ANKRD30A: variants seen among roughly 807,000 people sequenced by gnomAD.
ANKRD30A encodes ankyrin repeat domain 30A.
Under a neutral mutation model 166.3 loss-of-function variants are expected in ANKRD30A, and 170 were observed. The observed-to-expected ratio is 1.02, with a 90% CI of 0.90 to 1.16. The LOEUF is 1.16. ANKRD30A is among the 50% of genes most tolerant of loss of function. The probability of loss-of-function intolerance (pLI) is 0.00; values close to 1 mark genes in which losing one functional copy is unlikely to be tolerated. For synonymous variants in ANKRD30A, 564 were observed against 508.9 expected, an observed-to-expected ratio of 1.11 and a Z score of -1.46; for missense variants, 1,630 against 1,518.0, an observed-to-expected ratio of 1.07 and a Z score of -1.23.
intron 30 of ANKRD30A, 21 bp downstream of exon 30, chr10:37,199,809 T>C (rs763280548): frequency 1.4e-6 from 2 of 1,437,208 alleles, no homozygotes; most frequent in Non-Finnish European, 1.9e-6. Flanking sequence ...TTATTGATTT[T>C]TTTAAATATT....
At chr10:37,199,392 A>G (rs1296750543) in intron 29 of ANKRD30A, among the ~76,000 whole-genome samples, 5 of 152,114 alleles carry the variant, frequency 3.3e-5, no homozygotes, top group Non-Finnish European at 7.4e-5. Context: ...GAGAGATGGT[A>G]GGTAATTAAA....
At chr10:37,234,775 ACTT>A (rs1843602185), downstream of ANKRD30A, among the ~76,000 whole-genome samples, 1 of 152,166 alleles carries the variant, frequency 6.6e-6, no homozygotes, top group South Asian at 2.1e-4. Context: ...CAGTTTAGCA[ACTT>A]CTTTTCTAAA....
the ANKRD30A span, chr10:37,262,001 A>G: frequency 5.2e-5 from 8 of 152,924 alleles, no homozygotes; most frequent in Non-Finnish European, 1.0e-4. Context: ...CCCTTTATAT[A>G]AGACCTTCCT....
rs1452020985 is a variant in ANKRD30A at position 37,125,980 on chromosome 10, A to G, written c.193A>G (p.Asn65Asp). 2.5e-6 allele frequency: 4 copies of G among 1,612,122 alleles called. No homozygotes were observed. The South Asian group carries it at 4.4e-5, about 18-fold the overall frequency. ...EKMTKRKKTI[N>D]LNIQDAQKRT... ...GATGACAAAGAGGAAGAAGACCATC[A>G]ACCTTAATATACAAGACGCCCAGAA... Residue 65 changes from asparagine (N) to aspartate (D), a missense_variant, in exon 1 of 36, where the codon AAC becomes GAC. Transcript: ENST00000361713.
intron 35 of ANKRD30A, among the ~76,000 whole-genome samples, chr10:37,232,237 G>GTT (rs113897887): frequency 6.8e-6 from 1 of 146,922 alleles, no homozygotes; most frequent in Non-Finnish European, 1.5e-5. Flanking sequence ...TAAAAGTCTT[G>GTT]TTTTTTTTTT....
chr10:37,258,013 C>G, the ANKRD30A span, among the ~76,000 whole-genome samples: 24 of 152,234 alleles, frequency 1.6e-4, no homozygotes, highest in Non-Finnish European at 3.4e-4. Flanking sequence ...ATACCTAATG[C>G]ATGTGGGGCT....
intron 9 of ANKRD30A, among the ~76,000 whole-genome samples, chr10:37,149,263 A>G (rs1451974636): frequency 6.6e-6 from 1 of 152,090 alleles, no homozygotes; most frequent in Non-Finnish European, 1.5e-5. Context: ...TCTCATCATA[A>G]CTATGTACTT....
chr10:37,165,217 G>C lies in ANKRD30A; in HGVS notation c.2064+62G>C, dbSNP rs931213416. The C allele has an allele frequency of 3.6e-5, 53 of 1,464,382 alleles. 2 individuals carry two copies. Among genetic ancestry groups the C allele is most frequent in the Non-Finnish European group, 4.7e-5 (49 of 1,049,598 alleles). The allele number at this position is 1,464,382 out of a possible 1,614,324, so 90.7% of individuals were successfully genotyped here. A position where few individuals can be genotyped will look rare whatever the true frequency, so the allele number is the denominator to read the frequency against. On this transcript the variant is annotated intron_variant, in intron 18 of 35. Transcript: ENST00000361713. ...TGCATGATATGAAAACATAAAATCAGATGCTTAGTCTTTATTTTCTCACCT... is the reference window on the plus strand; with the variant it reads ...TGCATGATATGAAAACATAAAATCACATGCTTAGTCTTTATTTTCTCACCT...
intron 17 of ANKRD30A, among the ~76,000 whole-genome samples, chr10:37,164,699 C>T (rs1839169031): frequency 1.3e-5 from 2 of 151,942 alleles, no homozygotes; most frequent in South Asian, 2.1e-4. Context: ...AGAGAGATTG[C>T]TGAGTCAATC....
chr10:37,227,511 A>G (rs1405174509), intron 34 of ANKRD30A, among the ~76,000 whole-genome samples: 2 of 151,986 alleles, frequency 1.3e-5, no homozygotes, highest in Non-Finnish European at 2.9e-5. Context: ...GCCAGTACCA[A>G]ATCAACTTAT....
At chr10:37,235,936 A>G (rs190693744), downstream of ANKRD30A, among the ~76,000 whole-genome samples, 586 of 151,994 alleles carry the variant, frequency 3.9e-3, 5 homozygotes, top group South Asian at 0.03. Context: ...AGCACAGCTA[A>G]GTTTTTTATT....
chr10:37,208,154 T>G (rs1302289727), intron 31 of ANKRD30A, among the ~76,000 whole-genome samples: 1 of 152,122 alleles, frequency 6.6e-6, no homozygotes, highest in Non-Finnish European at 1.5e-5. Flanking sequence ...ACTCAGGACA[T>G]AGAACTGATG....
chr10:37,258,513 A>G, the ANKRD30A span, among the ~76,000 whole-genome samples: 1 of 152,298 alleles, frequency 6.6e-6, no homozygotes, highest in South Asian at 2.1e-4. Context: ...GTAGTGAGGA[A>G]ACAATAATCT....
rs779648931 is a variant in ANKRD30A, at chr10:37,125,925, C to T, written c.138C>T (p.Ala46=). The change falls in exon 1 of 36, where the codon GCC becomes GCT. Residue 46 remains alanine (A), a synonymous_variant. Transcript: ENST00000361713. ...ATCTTAGAAAGATCCATAAAGCTGC[C>T]TCCCGGGGACAAGTCCGGAAGCTGG... The part of the protein sequence containing the change: ...SGDLRKIHKA[A]SRGQVRKLEK... 1.2e-6 allele frequency: 2 copies of T among 1,611,288 alleles called. No homozygotes were observed. The highest frequency in any genetic ancestry group is 1.7e-6 in the Non-Finnish European group (2 of 1,179,226).
chr10:37,213,685 ATGTGT>A (rs955460192), intron 31 of ANKRD30A, among the ~76,000 whole-genome samples: 9 of 151,278 alleles, frequency 5.9e-5, no homozygotes, highest in Admixed American at 2.6e-4. Context: ...ACAATATCTA[ATGTGT>A]TGTGTTTTCA....
chr10:37,204,086 G>A (rs570533700), intron 31 of ANKRD30A, among the ~76,000 whole-genome samples: 77 of 152,246 alleles, frequency 5.1e-4, no homozygotes, highest in African/African-American at 1.8e-3. Context: ...TGGATTCAAT[G>A]CCATCCCCAT....
At chr10:37,151,829 A>G (rs17605876) in intron 11 of ANKRD30A, among the ~76,000 whole-genome samples, 63 of 152,246 alleles carry the variant, frequency 4.1e-4, no homozygotes, top group African/African-American at 1.4e-3. Context: ...ATACAAGTTA[A>G]TCAAATTTCT....
intron 11 of ANKRD30A, among the ~76,000 whole-genome samples, chr10:37,150,792 T>A (rs1207373443): frequency 1.3e-5 from 2 of 152,130 alleles, no homozygotes; most frequent in Non-Finnish European, 2.9e-5. Context: ...ACATTCAGAT[T>A]TCAGACTCTT....
the ANKRD30A span, among the ~76,000 whole-genome samples, chr10:37,247,562 G>A: frequency 1.3e-5 from 2 of 151,802 alleles, no homozygotes; most frequent in Non-Finnish European, 2.9e-5. Flanking sequence ...GAGGGTGGGA[G>A]GAAGAATAGT....
Sources: gnomAD v4.1 joint callset for allele counts (sites outside exome capture counted in the v4.1 genomes callset) on GRCh38, gnomAD v4.1.1 for gene constraint, MANE v1.5 for transcripts, NCBI Gene and HGNC (gene_info 2026-07-23, HGNC 2026-07-21) for gene names.